Variants in DCUN1D3 observed in about 807,000 individuals in gnomAD.
The protein encoded by DCUN1D3 is DCN1-like protein 3.
Under a neutral mutation model 24.8 loss-of-function variants are expected in DCUN1D3, and 6 were observed. The ratio of observed to expected loss-of-function variants is 0.24; its 90% CI spans 0.13 to 0.48. The LOEUF (loss-of-function observed/expected upper bound fraction) is 0.48. Among genes scored for constraint, DCUN1D3 ranks in the 20% least tolerant of loss-of-function variants. The pLI is 0.99. For synonymous variants in DCUN1D3, 120 were observed against 144.9 expected, an observed-to-expected ratio of 0.83 and a Z score of 1.24; for missense variants, 258 against 379.4, an observed-to-expected ratio of 0.68 and a Z score of 2.66.
chr16:20,872,409 C>T (rs1487366292), intron 1 of DCUN1D3, among the ~76,000 whole-genome samples: 1 of 151,856 alleles, frequency 6.6e-6, no homozygotes, highest in Non-Finnish European at 1.5e-5. Context: ...GAGCCAAAGG[C>T]CTCTAAGTAG....
rs2081739361 is a variant in DCUN1D3, at chr16:20,862,581, G to C, written c.-43C>G. The C allele has an allele frequency of 6.4e-7, 1 of 1,556,802 alleles. No individual in the cohort carries two copies. The highest frequency in any genetic ancestry group is 1.2e-5 in the South Asian group (1 of 84,036). On this transcript the variant is annotated 5_prime_UTR_variant, in exon 2 of 3. In the 5' UTR this introduces an upstream ATG that the reference lacks. Coordinates refer to ENST00000324344, the MANE Select transcript of DCUN1D3 (RefSeq NM_173475.4). Reference sequence around the variant, plus strand: ...CTCTAGAGTGGACCCCTCTGGATTGGATGCCCTCGCTGCCGCTGGCCCATG... The same window carrying C: ...CTCTAGAGTGGACCCCTCTGGATTGCATGCCCTCGCTGCCGCTGGCCCATG...
intron 1 of DCUN1D3, among the ~76,000 whole-genome samples, chr16:20,871,210 C>T (rs913085923): frequency 1.3e-5 from 2 of 152,162 alleles, no homozygotes; most frequent in African/African-American, 4.8e-5. Flanking sequence ...CCAAAGCAAA[C>T]GAGACCCGTC....
intron 1 of DCUN1D3, among the ~76,000 whole-genome samples, chr16:20,864,446 C>T (rs185761900): frequency 1.3e-5 from 2 of 151,958 alleles, no homozygotes; most frequent in Admixed American, 1.3e-4. Flanking sequence ...GAGATACCAT[C>T]TCACACCAGT....
At chr16:20,870,259 T>G (rs1423522020) in intron 1 of DCUN1D3, among the ~76,000 whole-genome samples, 1 of 152,118 alleles carries the variant, frequency 6.6e-6, no homozygotes, top group Admixed American at 6.5e-5. Context: ...GCCTCCTTGG[T>G]GAACAGATCT....
intron 1 of DCUN1D3, among the ~76,000 whole-genome samples, chr16:20,889,817 T>C (rs559266138): frequency 6.6e-6 from 1 of 152,186 alleles, no homozygotes; most frequent in Non-Finnish European, 1.5e-5. Flanking sequence ...TGGGCCCTTA[T>C]AGTTTCCAGT....
chr16:20,891,119 G>A (rs191660191), intron 1 of DCUN1D3, among the ~76,000 whole-genome samples: 159 of 151,756 alleles, frequency 1.0e-3, no homozygotes, highest in African/African-American at 3.6e-3. Context: ...TCAGCCTCCC[G>A]AATAGCTACG....
At position 20,860,406 on chromosome 16, in the gene DCUN1D3, A is replaced by T; in HGVS notation, c.432-37T>A. 1 of 1,581,044 alleles carries T rather than the reference A, an allele frequency of 6.3e-7. No individual in the cohort carries two copies. Among genetic ancestry groups the T allele is most frequent in the African/African-American group, 1.4e-5 (1 of 73,988 alleles). On this transcript the variant is annotated intron_variant, in intron 2 of 2. Coordinates refer to ENST00000324344, the MANE Select transcript of DCUN1D3 (RefSeq NM_173475.4). This position sits in a 1 kb window ranked among gnomAD's most constrained non-coding sequence, Gnocchi z 4.3. The stretch of plus-strand genomic sequence containing the variant: ...AGGAAAAGGACAATTAATCATTATA[A>T]ACTATACTATTTACAGGCAATATAC...
At chr16:20,875,216 A>ATG (rs2081808335) in intron 1 of DCUN1D3, among the ~76,000 whole-genome samples, 1 of 110,768 alleles carries the variant, frequency 9.0e-6, no homozygotes, top group African/African-American at 3.9e-5. Context: ...TCATGCACAC[A>ATG]CACACACACA....
chr16:20,862,682 G>A, intron 1 of DCUN1D3, 39 bp from the exon 2 acceptor site: 1 of 1,495,536 alleles, frequency 6.7e-7, no homozygotes, highest in Non-Finnish European at 8.8e-7. Context: ...CTGGGTGGGG[G>A]AAATGGGGTA....
intron 1 of DCUN1D3, among the ~76,000 whole-genome samples, chr16:20,865,664 T>C (rs536275810): frequency 7.2e-5 from 11 of 152,324 alleles, no homozygotes; most frequent in East Asian, 3.9e-4. Flanking sequence ...GGAGCTTTCA[T>C]GGACCTCTAT....
intron 1 of DCUN1D3, among the ~76,000 whole-genome samples, chr16:20,874,665 T>A (rs2081805026): frequency 6.6e-6 from 1 of 152,184 alleles, no homozygotes; most frequent in Admixed American, 6.5e-5. Context: ...TCAATTCCTA[T>A]CACTGAGACA....
chr16:20,872,980 G>A (rs1486015852), intron 1 of DCUN1D3, among the ~76,000 whole-genome samples: 2 of 152,202 alleles, frequency 1.3e-5, no homozygotes, highest in Admixed American at 6.5e-5. Flanking sequence ...GCTGGGCATG[G>A]TGGCACATGC....
intron 1 of DCUN1D3, among the ~76,000 whole-genome samples, chr16:20,868,377 G>A (rs548462598): frequency 8.5e-5 from 13 of 152,330 alleles, no homozygotes; most frequent in Admixed American, 2.0e-4. Flanking sequence ...GTCTATTTAG[G>A]AATGGAGGAA....
At chr16:20,893,451 G>A (rs932114389) in intron 1 of DCUN1D3, among the ~76,000 whole-genome samples, 2 of 152,166 alleles carry the variant, frequency 1.3e-5, no homozygotes, top group African/African-American at 2.4e-5. Context: ...GGGATTACAC[G>A]CATGCAGTGC....
At chr16:20,897,663 C>T (rs990316595) in intron 1 of DCUN1D3, among the ~76,000 whole-genome samples, 2 of 152,118 alleles carry the variant, frequency 1.3e-5, no homozygotes, top group East Asian at 1.9e-4. Flanking sequence ...AAGGAGGATT[C>T]GTATACTAGA....
In DCUN1D3 at chr16:20,859,772, A is replaced by G. The variant is rs2081722189; in HGVS notation, c.*114T>C. On this transcript the variant is annotated 3_prime_UTR_variant, in exon 3 of 3. Transcript: ENST00000324344. Reference sequence around the variant, plus strand: ...GAGCCCTTTCAGATACAAGGCAGAGAAAGGTGTAAAGTAGAAAATATCCGG... The same window carrying G: ...GAGCCCTTTCAGATACAAGGCAGAGGAAGGTGTAAAGTAGAAAATATCCGG... The G allele has an allele frequency of 1.5e-6, 2 of 1,354,060 alleles. No individual in the cohort carries two copies. Among genetic ancestry groups the G allele is most frequent in the Admixed American group, 5.4e-5 (2 of 37,240 alleles). 83.9% of individuals were successfully genotyped at this position (1,354,060 alleles called of 1,614,324 possible).
chr16:20,886,077 A>AAT (rs1555497636), intron 1 of DCUN1D3, among the ~76,000 whole-genome samples: 4 of 151,930 alleles, frequency 2.6e-5, no homozygotes, highest in African/African-American at 9.7e-5. Flanking sequence ...AAAAAAAAAA[A>AAT]AGGCCACCAA....
intron 1 of DCUN1D3, among the ~76,000 whole-genome samples, chr16:20,882,252 A>ATTTTTTTTTTTTTTTTT (rs11310580): frequency 7.4e-6 from 1 of 135,516 alleles, no homozygotes; most frequent in Non-Finnish European, 1.6e-5. Context: ...TAACATTGCT[A>ATTTTTTTTTTTTTTTTT]TTTTTTTTTT....
chr16:20,870,273 A>G (rs1281060291), intron 1 of DCUN1D3, among the ~76,000 whole-genome samples: 3 of 152,210 alleles, frequency 2.0e-5, no homozygotes, highest in Non-Finnish European at 2.9e-5. Context: ...CAGATCTCAC[A>G]CTACTCCTTG....
Sources: allele counts gnomAD v4.1 joint callset (sites outside exome capture counted in the v4.1 genomes callset), GRCh38; gene constraint gnomAD v4.1.1; non-coding constraint Gnocchi (gnomAD v3.1); transcripts MANE v1.5; gene names NCBI Gene and HGNC (gene_info 2026-07-23, HGNC 2026-07-21).